ZDHHC14: variants seen among roughly 807,000 people sequenced by gnomAD.
ZDHHC14 encodes palmitoyltransferase ZDHHC14.
A neutral mutation model predicts 47.7 loss-of-function variants in ZDHHC14; 16 were observed. The observed-to-expected ratio is 0.34, with a 90% CI of 0.23 to 0.51. The LOEUF is 0.51. ZDHHC14 is among the 20% of genes least tolerant of loss of function. The pLI, the probability that ZDHHC14 is intolerant of heterozygous loss-of-function variation, is 0.97. For synonymous variants in ZDHHC14, 293 were observed against 278.9 expected, an observed-to-expected ratio of 1.05 and a Z score of -0.50; for missense variants, 515 against 662.5, an observed-to-expected ratio of 0.78 and a Z score of 2.44.
chr6:157,544,369 A>G (rs1781883613), intron 2 of ZDHHC14, among the ~76,000 whole-genome samples: 1 of 152,172 alleles, frequency 6.6e-6, no homozygotes, highest in African/African-American at 2.4e-5. Context: ...TGGATGAGGC[A>G]GGGCACGGTG....
rs1780218272 is a variant in ZDHHC14, at chr6:157,502,720, T to G, written c.246-39865T>G. 6.6e-6 allele frequency among the ~76,000 whole-genome samples: 1 copy of G among 152,224 alleles called. No individual in the cohort carries two copies. The highest frequency in any genetic ancestry group is 1.5e-5 in the Non-Finnish European group (1 of 68,038). ...GTTTGTTTGTTTTTTAGACAGGGTC[T>G]TGCTCTGTCACCCAGGCTGGAGTGC... is the stretch of plus-strand genomic sequence containing the variant. On this transcript the variant is annotated intron_variant, in intron 1 of 8. Coordinates refer to ENST00000359775, the MANE Select transcript of ZDHHC14 (RefSeq NM_024630.3). The surrounding 1 kb of genome is among the most constrained non-coding windows in gnomAD (Gnocchi z 4.0).
chr6:157,519,307 T>G (rs530755931), intron 1 of ZDHHC14, among the ~76,000 whole-genome samples: 121 of 152,308 alleles, frequency 7.9e-4, no homozygotes, highest in Non-Finnish European at 1.2e-3. Context: ...TTATTTTTAT[T>G]TTTTGCTATG....
intron 1 of ZDHHC14, among the ~76,000 whole-genome samples, chr6:157,482,093 A>T (rs570679734): frequency 6.6e-6 from 1 of 152,232 alleles, no homozygotes; most frequent in Admixed American, 6.5e-5. Context: ...ACAGAAAGAA[A>T]GCTTGCAAAA....
rs1042143395 is a variant in ZDHHC14, at chr6:157,406,834, C to T, written c.245+24568C>T. Among the ~76,000 whole-genome samples the T allele has an allele frequency of 2.0e-5, 3 of 152,180 alleles. No homozygotes were observed. In the East Asian group the frequency reaches 5.8e-4, roughly 29 times the overall value. On this transcript the variant is annotated intron_variant, in intron 1 of 8. Coordinates refer to ENST00000359775, the MANE Select transcript of ZDHHC14 (RefSeq NM_024630.3). The stretch of plus-strand genomic sequence containing the variant: ...TTCTCCAGTCCTCTCTTCTCCATTT[C>T]TTCAGCAATGCTGAGTCCTCACTGA...
chr6:157,540,391 G>A (rs1781701196), intron 1 of ZDHHC14, among the ~76,000 whole-genome samples: 2 of 152,204 alleles, frequency 1.3e-5, no homozygotes, highest in African/African-American at 4.8e-5. Context: ...GCAACTTTGA[G>A]CAGGTGGACT....
At chr6:157,662,189 ATT>A (rs1778372609) in intron 8 of ZDHHC14, among the ~76,000 whole-genome samples, 2 of 149,374 alleles carry the variant, frequency 1.3e-5, no homozygotes, top group South Asian at 4.3e-4. Context: ...ATTTTATTTT[ATT>A]ATTTTTTTGA....
At chr6:157,410,828 C>A (rs913669222) in intron 1 of ZDHHC14, among the ~76,000 whole-genome samples, 1 of 152,168 alleles carries the variant, frequency 6.6e-6, no homozygotes, top group African/African-American at 2.4e-5. Flanking sequence ...TCCTGAGTAG[C>A]TGGGATTACA....
At chr6:157,557,082 C>T (rs566688393) in intron 2 of ZDHHC14, among the ~76,000 whole-genome samples, 45 of 152,192 alleles carry the variant, frequency 3.0e-4, no homozygotes, top group Non-Finnish European at 6.0e-4. Context: ...CTGGGGAGGC[C>T]GCTCAGCCCT....
intron 1 of ZDHHC14, among the ~76,000 whole-genome samples, chr6:157,419,089 T>A (rs2114767396): frequency 6.6e-6 from 1 of 152,244 alleles, no homozygotes; most frequent in African/African-American, 2.4e-5. Context: ...ATTCAACCAT[T>A]TTTCTCCTCT....
At chr6:157,507,564 G>C (rs887714702) in intron 1 of ZDHHC14, among the ~76,000 whole-genome samples, 8 of 152,184 alleles carry the variant, frequency 5.3e-5, no homozygotes, top group Non-Finnish European at 7.4e-5. Context: ...TTTCAGACGT[G>C]AGCCACTGTG....
intron 1 of ZDHHC14, among the ~76,000 whole-genome samples, chr6:157,488,769 T>C (rs926653265): frequency 2.0e-5 from 3 of 152,192 alleles, no homozygotes; most frequent in African/African-American, 7.2e-5. Context: ...CACAGACGTG[T>C]CTTTAAGAAG....
intron 2 of ZDHHC14, among the ~76,000 whole-genome samples, chr6:157,577,474 C>G (rs953618660): frequency 5.3e-5 from 8 of 152,210 alleles, no homozygotes; most frequent in Admixed American, 6.5e-5. Flanking sequence ...AATTTACACT[C>G]CCACCAACAG....
At chr6:157,566,754 G>A (rs1405649526) in intron 2 of ZDHHC14, among the ~76,000 whole-genome samples, 2 of 152,120 alleles carry the variant, frequency 1.3e-5, no homozygotes, top group East Asian at 1.9e-4. Flanking sequence ...GTCCCATCTG[G>A]GTCACTAGAA....
chr6:157,496,630 T>C lies in ZDHHC14; in HGVS notation c.246-45955T>C, dbSNP rs113062205. ...CATAGGGAGAAGATGGGCATGTGCC[T>C]GGGGTGATGCACCCACAAGCCAACA... On this transcript the variant is annotated intron_variant, in intron 1 of 8. Transcript: ENST00000359775. Among the ~76,000 whole-genome samples the C allele has an allele frequency of 7.5e-4, 114 of 152,272 alleles. 1 individual carries two copies. The highest frequency in any genetic ancestry group is 8.3e-4 in the South Asian group (4 of 4,810).
At chr6:157,595,197 T>C (rs1784077175) in intron 3 of ZDHHC14, among the ~76,000 whole-genome samples, 1 of 118,476 alleles carries the variant, frequency 8.4e-6, no homozygotes, top group South Asian at 3.1e-4. Context: ...TTTTTTTTTT[T>C]TTTTTTTTTT....
intron 1 of ZDHHC14, among the ~76,000 whole-genome samples, chr6:157,436,789 G>A (rs977680959): frequency 6.6e-6 from 1 of 152,090 alleles, no homozygotes; most frequent in Non-Finnish European, 1.5e-5. Context: ...GTTCAGTTTG[G>A]GTCATGTTGG....
intron 7 of ZDHHC14, among the ~76,000 whole-genome samples, chr6:157,650,651 A>C (rs543224038): frequency 1.4e-5 from 2 of 145,470 alleles, no homozygotes; most frequent in Non-Finnish European, 3.1e-5. Context: ...TTAAAAAAAA[A>C]AGAGAGAGAG....
At chr6:157,529,228 C>T (rs972983779) in intron 1 of ZDHHC14, 5 of 152,882 alleles carry the variant, frequency 3.3e-5, no homozygotes, top group African/African-American at 1.2e-4. Context: ...GCAACCCCAC[C>T]CTCTCTTCAC....
At chr6:157,528,663 C>T (rs751742388) in intron 1 of ZDHHC14, among the ~76,000 whole-genome samples, 23 of 151,918 alleles carry the variant, frequency 1.5e-4, no homozygotes, top group Admixed American at 4.6e-4. Context: ...ACCCGGGAGG[C>T]GGAGCTTGTA....
Sources: gnomAD v4.1 joint callset for allele counts (sites outside exome capture counted in the v4.1 genomes callset) on GRCh38, gnomAD v4.1.1 for gene constraint, Gnocchi (gnomAD v3.1) non-coding constraint, MANE v1.5 for transcripts, NCBI Gene and HGNC (gene_info 2026-07-23, HGNC 2026-07-21) for gene names.